Variants in DIXDC1 observed in about 807,000 individuals in gnomAD.
DIXDC1 encodes dixin.
In DIXDC1, 64 loss-of-function variants were observed where a neutral mutation model predicts 103.1. That is an observed-to-expected ratio of 0.62 (90% confidence interval 0.51 to 0.76). The LOEUF is 0.76. DIXDC1 is among the 30% of genes least tolerant of loss of function. The pLI, the probability that DIXDC1 is intolerant of heterozygous loss-of-function variation, is 0.00. For synonymous variants in DIXDC1, 266 were observed against 298.5 expected, an observed-to-expected ratio of 0.89 and a Z score of 1.12; for missense variants, 759 against 834.2, an observed-to-expected ratio of 0.91 and a Z score of 1.11.
At chr11:111,968,177 A>G (rs1859798822) in intron 2 of DIXDC1, among the ~76,000 whole-genome samples, 1 of 152,214 alleles carries the variant, frequency 6.6e-6, no homozygotes, top group South Asian at 2.1e-4. Flanking sequence ...AATTCTATGA[A>G]GGGAGGGACT....
intron 3 of DIXDC1, among the ~76,000 whole-genome samples, chr11:111,973,490 A>T (rs587704013): frequency 6.6e-6 from 1 of 152,330 alleles, no homozygotes; most frequent in African/African-American, 2.4e-5. Context: ...TTTTGGGGGC[A>T]TGTGTGTATG....
intron 17 of DIXDC1, among the ~76,000 whole-genome samples, chr11:112,001,587 C>T (rs1433528388): frequency 1.3e-5 from 2 of 152,034 alleles, no homozygotes; most frequent in Non-Finnish European, 2.9e-5. Flanking sequence ...TCTAAAAAAT[C>T]GTAACTTTCT....
chr11:111,965,238 T>C (rs1475689322), intron 2 of DIXDC1, among the ~76,000 whole-genome samples: 2 of 152,232 alleles, frequency 1.3e-5, no homozygotes, highest in Admixed American at 6.5e-5. Context: ...TCTTACTAGA[T>C]GGTACCATAA....
rs1014695347 is a variant in DIXDC1 at position 111,942,148 on chromosome 11, C to T, written c.60+4589C>T. ...TCTATCCTGCCTGATTTCTCCTCTC[C>T]CCACCCAGGCTCATTGGCTTCATTC... On this transcript the variant is annotated intron_variant, in intron 1 of 19. Transcript: ENST00000440460. Among the ~76,000 whole-genome samples, 5 of 152,296 alleles carry T rather than the reference C, an allele frequency of 3.3e-5. No homozygotes were observed. The South Asian group carries it at 1.0e-3, about 32-fold the overall frequency.
intron 1 of DIXDC1, chr11:111,946,898 G>A: frequency 3.4e-6 from 1 of 293,668 alleles, no homozygotes. Context: ...ACCATTCTGA[G>A]TGCCTATGGA....
At chr11:111,984,609 C>T (rs1648504378) in intron 7 of DIXDC1, among the ~76,000 whole-genome samples, 7 of 152,178 alleles carry the variant, frequency 4.6e-5, no homozygotes, top group Admixed American at 4.6e-4. Flanking sequence ...GGGGGGCCTA[C>T]AGCTGGAGCT....
At chr11:111,961,770 C>A (rs1859586743) in intron 1 of DIXDC1, among the ~76,000 whole-genome samples, 1 of 152,178 alleles carries the variant, frequency 6.6e-6, no homozygotes, top group Non-Finnish European at 1.5e-5. Context: ...TAGTTATTGG[C>A]CTGATAAAAT....
At position 112,020,283 on chromosome 11, in the gene DIXDC1, G is replaced by A. The variant is rs1410969839; in HGVS notation, c.*1247G>A. On this transcript the variant is annotated 3_prime_UTR_variant, in exon 20 of 20. Coordinates refer to ENST00000440460, the MANE Select transcript of DIXDC1 (RefSeq NM_001037954.4). ...ATTATTTATATATGTATTACCAAAA[G>A]CAGTCTATCTGCCTGTGACCTCCAA... is the stretch of plus-strand genomic sequence containing the variant. 1 of 152,552 alleles carries A rather than the reference G, an allele frequency of 6.6e-6. No individual in the cohort carries two copies. The highest frequency in any genetic ancestry group is 2.4e-5 in the African/African-American group (1 of 41,418). 9.4% of individuals were successfully genotyped at this position (152,552 alleles called of 1,614,324 possible). A position where few individuals can be genotyped will look rare whatever the true frequency, so the allele number is the denominator to read the frequency against.
chr11:112,018,836 C>T, intron 19 of DIXDC1, 120 bp from the exon 20 acceptor site: 2 of 752,432 alleles, frequency 2.7e-6, no homozygotes, highest in Non-Finnish European at 4.3e-6. Context: ...ACCAAAAGGA[C>T]ATAGACTCTT....
At chr11:111,939,626 A>G (rs943484430) in intron 1 of DIXDC1, among the ~76,000 whole-genome samples, 9 of 152,332 alleles carry the variant, frequency 5.9e-5, no homozygotes, top group Non-Finnish European at 1.3e-4. Flanking sequence ...CTAAATAACA[A>G]TGACAGTAAT....
rs782703780 is a variant in DIXDC1 at position 111,974,858 on chromosome 11, G to C, written c.549-18G>C. On this transcript the variant is annotated intron_variant, in intron 4 of 19. Transcript: ENST00000440460. ...GAAGGACTGACACCTTCCCTTTGCT[G>C]GGGTCCTTTGACTTTAGGAACAGCA... The C allele has an allele frequency of 1.2e-6, 2 of 1,611,458 alleles. No individual in the cohort carries two copies. The highest frequency in any genetic ancestry group is 2.2e-5 in the South Asian group (2 of 90,422).
chr11:111,937,131 C>CGGG (rs782420161), upstream of DIXDC1: 722 of 462,520 alleles, frequency 1.6e-3, 12 homozygotes, highest in Non-Finnish European at 1.7e-3. Flanking sequence ...GCGGCCCGGG[C>CGGG]GGGGGGGGGG....
intron 2 of DIXDC1, among the ~76,000 whole-genome samples, chr11:111,930,556 AT>A (rs1201897594): frequency 1.3e-5 from 2 of 152,246 alleles, no homozygotes; most frequent in Non-Finnish European, 2.9e-5. Flanking sequence ...TAACGTTAAC[AT>A]AAAATTGTTA....
intron 1 of DIXDC1, among the ~76,000 whole-genome samples, chr11:111,953,630 C>T (rs1041467085): frequency 2.0e-5 from 3 of 152,048 alleles, no homozygotes; most frequent in Non-Finnish European, 4.4e-5. Context: ...GAGCGATACT[C>T]CATATCAATC....
chr11:111,998,409 A>C lies in DIXDC1; in HGVS notation c.1756+2263A>C, dbSNP rs149184384. Among the ~76,000 whole-genome samples the C allele has an allele frequency of 9.0e-3, 1,375 of 152,154 alleles. 11 individuals are homozygous for C. The highest frequency in any genetic ancestry group is 0.03 in the African/African-American group (1,258 of 41,494). On this transcript the variant is annotated intron_variant, in intron 17 of 19. Transcript: ENST00000440460. The surrounding 1 kb of genome is among the most constrained non-coding windows in gnomAD (Gnocchi z 4.1). ...TTCCATCCAATTGAAGCCTAAACCT[A>C]AGCCTTTTCATATTGTCTTTGGCGT...
chr11:111,966,427 G>A (rs1213259251), intron 2 of DIXDC1, among the ~76,000 whole-genome samples: 3 of 126,120 alleles, frequency 2.4e-5, no homozygotes, highest in Admixed American at 8.2e-5. Flanking sequence ...TTTTTGAGAC[G>A]GAGTCTCGCT....
At position 111,943,487 on chromosome 11, in the gene DIXDC1, CTTTTT is replaced by C. The variant is rs1161024928; in HGVS notation, c.60+5947_60+5951del. On this transcript the variant is annotated intron_variant, in intron 1 of 19. Transcript: ENST00000440460. Reference sequence around the variant, plus strand: ...ATTATTTTTGGAATTTTCTTTCTCTCTTTTTTTTTTTTTTTTTTTTTTTGTTTTTT... The same window carrying C: ...ATTATTTTTGGAATTTTCTTTCTCTCTTTTTTTTTTTTTTTTTTGTTTTTT... Among the ~76,000 whole-genome samples the C allele has an allele frequency of 1.8e-3, 203 of 113,428 alleles. 3 individuals carry two copies. The highest frequency in any genetic ancestry group is 6.7e-3 in the African/African-American group (193 of 28,684). 74.4% of individuals were successfully genotyped at this position (113,428 alleles called of 152,430 possible).
intron 5 of DIXDC1, among the ~76,000 whole-genome samples, chr11:111,979,779 A>G (rs1343582245): frequency 6.6e-6 from 1 of 152,114 alleles, no homozygotes; most frequent in Non-Finnish European, 1.5e-5. Context: ...TAACACGGGG[A>G]GAACTTGTTC....
intron 1 of DIXDC1, among the ~76,000 whole-genome samples, chr11:111,943,710 C>T (rs1424554959): frequency 6.6e-6 from 1 of 151,848 alleles, no homozygotes; most frequent in African/African-American, 2.4e-5. Flanking sequence ...CCGTGTTATC[C>T]AGGATGGTCT....
Sources: allele counts gnomAD v4.1 joint callset (sites outside exome capture counted in the v4.1 genomes callset), GRCh38; gene constraint gnomAD v4.1.1; non-coding constraint Gnocchi (gnomAD v3.1); transcripts MANE v1.5; gene names NCBI Gene and HGNC (gene_info 2026-07-23, HGNC 2026-07-21).